NOX4: variants seen among roughly 807,000 people sequenced by gnomAD.
NOX4 encodes the protein NADPH oxidase 4.
Under a neutral mutation model 87.6 loss-of-function variants are expected in NOX4, and 69 were observed. The ratio of observed to expected loss-of-function variants is 0.79; its 90% CI spans 0.65 to 0.96. NOX4 has a LOEUF of 0.96. NOX4 is among the 40% of genes least tolerant of loss of function. The probability of loss-of-function intolerance (pLI) is 0.00; values close to 1 mark genes in which losing one functional copy is unlikely to be tolerated. For synonymous variants in NOX4, 275 were observed against 238.2 expected (o/e 1.15, Z -1.42); for missense variants, 680 against 681.5 (o/e 1.00, Z 0.02).
intron 11 of NOX4, among the ~76,000 whole-genome samples, chr11:89,393,831 A>G (rs1941290562): frequency 6.6e-6 from 1 of 152,172 alleles, no homozygotes; most frequent in African/African-American, 2.4e-5. Context: ...CAAGTGAGGG[A>G]TCTGGAATTG....
At chr11:89,392,020 G>T (rs899093839) in intron 11 of NOX4, among the ~76,000 whole-genome samples, 1 of 148,430 alleles carries the variant, frequency 6.7e-6, no homozygotes, top group African/African-American at 2.5e-5. Flanking sequence ...CCCGACCTGG[G>T]ATAATTTCCA....
intron 12 of NOX4, among the ~76,000 whole-genome samples, chr11:89,361,618 C>CA (rs1000724551): frequency 2.2e-4 from 33 of 151,916 alleles, no homozygotes; most frequent in African/African-American, 7.7e-4. Flanking sequence ...CAAAACAAAA[C>CA]AAAAAAGAAT....
At chr11:89,438,563 A>T (rs1565292554) in intron 6 of NOX4, among the ~76,000 whole-genome samples, 1 of 87,622 alleles carries the variant, frequency 1.1e-5, no homozygotes, top group African/African-American at 5.5e-5. Flanking sequence ...TACTATATAT[A>T]ATATAATATA....
intron 2 of NOX4, among the ~76,000 whole-genome samples, chr11:89,460,634 T>C (rs1246154744): frequency 8.6e-5 from 13 of 152,014 alleles, no homozygotes; most frequent in Admixed American, 6.6e-4. Context: ...GTTAGAATGG[T>C]GATCATTAAA....
At chr11:89,342,524 A>G (rs1946049283) in intron 13 of NOX4, among the ~76,000 whole-genome samples, 1 of 152,194 alleles carries the variant, frequency 6.6e-6, no homozygotes, top group Non-Finnish European at 1.5e-5. Context: ...ATAGTCATAT[A>G]TTAGACTATA....
At chr11:89,581,577 G>T in the NOX4 span, among the ~76,000 whole-genome samples, 4 of 152,240 alleles carry the variant, frequency 2.6e-5, no homozygotes, top group East Asian at 7.7e-4. Context: ...TACTACCTCT[G>T]ATTGGACTCC....
At chr11:89,423,774 G>A (rs895015502) in intron 7 of NOX4, among the ~76,000 whole-genome samples, 1 of 151,684 alleles carries the variant, frequency 6.6e-6, no homozygotes, top group East Asian at 1.9e-4. Flanking sequence ...ATATTGAGGG[G>A]TCAGGCATGG....
the NOX4 span, among the ~76,000 whole-genome samples, chr11:89,576,695 T>C: frequency 2.0e-5 from 3 of 152,180 alleles, 1 homozygote; most frequent in South Asian, 6.2e-4. Context: ...AAAAAGCTTT[T>C]GGCTTATAGG....
At chr11:89,406,326 A>G (rs1313144651) in intron 8 of NOX4, among the ~76,000 whole-genome samples, 8 of 152,034 alleles carry the variant, frequency 5.3e-5, no homozygotes, top group Non-Finnish European at 1.0e-4. Context: ...CATGTTCTAT[A>G]TGATTTTTAT....
intron 2 of NOX4, among the ~76,000 whole-genome samples, chr11:89,484,714 T>G (rs931133704): frequency 7.9e-5 from 12 of 152,180 alleles, no homozygotes; most frequent in African/African-American, 2.4e-4. Flanking sequence ...CAGTGTCTAT[T>G]GTAAATAGAT....
At chr11:89,333,097 A>G (rs892648685) in intron 17 of NOX4, among the ~76,000 whole-genome samples, 1 of 151,878 alleles carries the variant, frequency 6.6e-6, no homozygotes, top group African/African-American at 2.4e-5. Flanking sequence ...AAAGATAATT[A>G]CCACAGCACT....
In NOX4 at chr11:89,491,186, C is replaced by A. The variant is rs540232967; in HGVS notation, c.57+4G>T. 4.3e-6 allele frequency: 7 copies of A among 1,613,516 alleles called. No individual in the cohort carries two copies. The highest frequency in any genetic ancestry group is 5.9e-6 in the Non-Finnish European group (7 of 1,179,656). ...CGCAAGGAGAGCCTAGCCCGCCATC[C>A]TACCAGGCAGAGGTGTTTAACCCCT... is the stretch of plus-strand genomic sequence containing the variant. On this transcript the variant is annotated splice_donor_region_variant and intron_variant, in intron 1 of 17. Transcript: ENST00000263317.
At chr11:89,442,996 T>TG (rs934801854) in intron 5 of NOX4, among the ~76,000 whole-genome samples, 1 of 152,030 alleles carries the variant, frequency 6.6e-6, no homozygotes, top group Non-Finnish European at 1.5e-5. Flanking sequence ...AAGTGGAGGC[T>TG]GGGTCTGAAA....
chr11:89,366,406 A>G (rs983578523), intron 12 of NOX4, among the ~76,000 whole-genome samples: 27 of 152,254 alleles, frequency 1.8e-4, no homozygotes, highest in African/African-American at 5.8e-4. Flanking sequence ...GGCCAGGCAC[A>G]GTAGATCACT....
intron 8 of NOX4, among the ~76,000 whole-genome samples, chr11:89,403,866 G>A (rs965800985): frequency 1.3e-5 from 2 of 152,086 alleles, no homozygotes; most frequent in African/African-American, 2.4e-5. Flanking sequence ...CCAGTCTCTG[G>A]TTGTATTCAC....
intron 7 of NOX4, among the ~76,000 whole-genome samples, chr11:89,428,432 T>A (rs779489094): frequency 6.6e-6 from 1 of 151,824 alleles, no homozygotes; most frequent in Non-Finnish European, 1.5e-5. Flanking sequence ...GCAAACTGGA[T>A]AGAGTCAAGA....
chr11:89,491,343 C>G lies in NOX4; in HGVS notation c.-97G>C. 2 of 1,168,166 alleles carry G rather than the reference C, an allele frequency of 1.7e-6. No homozygotes were observed. Among genetic ancestry groups the G allele is most frequent in the African/African-American group, 1.6e-5 (1 of 63,992 alleles). 72.4% of individuals were successfully genotyped at this position (1,168,166 alleles called of 1,614,324 possible). A position where few individuals can be genotyped will look rare whatever the true frequency, so the allele number is the denominator to read the frequency against. ...GTTACAGTTGTGCGGCCTGCCGGGC[C>G]GCTGAGCGAGGACCGAGGGTCAAAG... On this transcript the variant is annotated 5_prime_UTR_variant, in exon 1 of 18. Transcript: ENST00000263317.
At chr11:89,502,097 A>T (rs1417365464), upstream of NOX4, among the ~76,000 whole-genome samples, 1 of 152,016 alleles carries the variant, frequency 6.6e-6, no homozygotes, top group Non-Finnish European at 1.5e-5. Flanking sequence ...CAGTAACTGA[A>T]TAAGATTTTA....
chr11:89,435,390 C>T (rs1038662242), intron 6 of NOX4, among the ~76,000 whole-genome samples: 2 of 151,824 alleles, frequency 1.3e-5, no homozygotes, highest in East Asian at 1.9e-4. Flanking sequence ...ATTACTTCAT[C>T]GAAAGAACAC....
Sources: gnomAD v4.1 joint callset for allele counts (sites outside exome capture counted in the v4.1 genomes callset) on GRCh38, gnomAD v4.1.1 for gene constraint, MANE v1.5 for transcripts, NCBI Gene and HGNC (gene_info 2026-07-23, HGNC 2026-07-21) for gene names.